The following NEU4 variants were observed in gnomAD, a reference collection of about 807,000 sequenced individuals.
The protein encoded by NEU4 is neuraminidase 4.
A neutral mutation model predicts 9.9 loss-of-function variants in NEU4; 7 were observed. The observed-to-expected ratio is 0.71, with a 90% CI of 0.40 to 1.33. The LOEUF (loss-of-function observed/expected upper bound fraction) is 1.33, where lower values mean the gene tolerates loss of function less well. Ranked by LOEUF, NEU4 falls within the 40% of genes most tolerant of loss-of-function variation. The probability of loss-of-function intolerance (pLI) is 0.01; values close to 1 mark genes in which losing one functional copy is unlikely to be tolerated. For synonymous variants in NEU4, 348 were observed against 316.9 expected (o/e 1.10, Z -1.04); for missense variants, 717 against 712.6 (o/e 1.01, Z -0.07).
At chr2:241,814,744 C>T (rs1010181526) in intron 2 of NEU4, 59 bp downstream of exon 2, 7 of 1,512,688 alleles carry the variant, frequency 4.6e-6, no homozygotes, top group Non-Finnish European at 5.3e-6. Context: ...TGGGGCTGCA[C>T]ACCCCGGGAT....
chr2:241,809,759 G>C (rs1020922798), intron 1 of NEU4: 3 of 159,466 alleles, frequency 1.9e-5, no homozygotes, highest in Admixed American at 5.9e-5. Context: ...CTGAAAACAC[G>C]GGTTTTTCTG....
chr2:241,812,072 C>CGTGGACCCCAGAGGGTGTGT (rs1559426333), intron 1 of NEU4: 5 of 74,332 alleles, frequency 6.7e-5, no homozygotes, highest in African/African-American at 4.2e-4. Context: ...AGAGGGTGTG[C>CGTGGACCCCAGAGGGTGTGT]GCGGACCCCA....
chr2:241,816,281 G>T lies in NEU4; in HGVS notation c.688G>T (p.Gly230Cys), dbSNP rs567898061. 8.2e-6 allele frequency: 13 copies of T among 1,583,580 alleles called. No individual in the cohort carries two copies. Among genetic ancestry groups the T allele is most frequent in the Middle Eastern group, 3.3e-4 (2 of 6,020 alleles). Reference sequence around the variant, plus strand: ...CGAGTGCCAGCTGGCAGCGGTGGACGGTGGGCAGGCCGGCAGCTTCCTCTA... The same window carrying T: ...CGAGTGCCAGCTGGCAGCGGTGGACTGTGGGCAGGCCGGCAGCTTCCTCTA... The part of the protein sequence containing the change: ...SGECQLAAVD[G>C]GQAGSFLYCN... Residue 230 changes from glycine to cysteine, a missense_variant, in exon 4 of 4, where the codon GGT becomes TGT. Gly to Cys is a radical substitution (Grantham distance 159). Transcript: ENST00000407683.
rs563751854 is a variant in NEU4 at position 241,817,337 on chromosome 2, C to T, written c.*289C>T. 3 of 450,696 alleles carry T rather than the reference C, an allele frequency of 6.7e-6. No individual in the cohort carries two copies. In the East Asian group the frequency reaches 1.0e-4, roughly 15 times the overall value. The allele number at this position is 450,696 out of a possible 1,614,324, so 27.9% of individuals were successfully genotyped here. ...GGCCAGGCGCGGGACCGCAGGTAGC[C>T]CAGGGTGTTGTGGGTGGCAGCACTT... is the stretch of plus-strand genomic sequence containing the variant. On this transcript the variant is annotated 3_prime_UTR_variant, in exon 4 of 4. Coordinates refer to ENST00000407683, the MANE Select transcript of NEU4 (RefSeq NM_001167600.3).
Position 241,814,954 on chromosome 2 carries a change from C to T in NEU4, c.264C>T (p.Cys88=), listed in dbSNP as rs771133492. The T allele has an allele frequency of 2.0e-5, 32 of 1,611,810 alleles. No individual in the cohort carries two copies. Among genetic ancestry groups the T allele is most frequent in the Non-Finnish European group, 2.6e-5 (31 of 1,179,832 alleles). Residue 88 remains cysteine, a synonymous_variant, in exon 3 of 4, where the codon TGC becomes TGT. Coordinates refer to ENST00000407683, the MANE Select transcript of NEU4 (RefSeq NM_001167600.3). ...CGGAGCACCGGTCCATGAACCCCTGCCCTGTGCACGATGCTGGCACGGGCA... is the reference window on the plus strand; with the variant it reads ...CGGAGCACCGGTCCATGAACCCCTGTCCTGTGCACGATGCTGGCACGGGCA... ...ALAEHRSMNP[C]PVHDAGTGTV...
intron 1 of NEU4, chr2:241,813,227 G>A (rs924804313): frequency 2.6e-5 from 18 of 688,796 alleles, no homozygotes; most frequent in Admixed American, 6.3e-5. Flanking sequence ...AGTGGGTCCC[G>A]CCTGACCCGT....
chr2:241,811,438 T>C (rs1559425807), intron 1 of NEU4: 1 of 1,569,188 alleles, frequency 6.4e-7, no homozygotes, highest in Non-Finnish European at 8.7e-7. Flanking sequence ...CATGATGAGC[T>C]CTGCAGCCTT....
intron 1 of NEU4, chr2:241,811,086 C>T (rs1391521377): frequency 1.6e-5 from 19 of 1,166,840 alleles, no homozygotes; most frequent in East Asian, 1.2e-4. Flanking sequence ...GGCAGGGCCG[C>T]GTCTCTGGAG....
chr2:241,816,767 A>T lies in NEU4; in HGVS notation c.1174A>T (p.Met392Leu). 1 of 1,583,564 alleles carries T rather than the reference A, an allele frequency of 6.3e-7. No individual in the cohort carries two copies. The highest frequency in any genetic ancestry group is 1.3e-5 in the African/African-American group (1 of 74,238). ...AGTGGGGCGCAGGGCTCGGCTACACATGGGTATCCGCCTGAGCCAGTCCCC... is the reference window on the plus strand; with the variant it reads ...AGTGGGGCGCAGGGCTCGGCTACACTTGGGTATCCGCCTGAGCCAGTCCCC... ...HPVGRRARLH[M>L]GIRLSQSPLD... Residue 392 changes from methionine to leucine, a missense_variant, in exon 4 of 4, where the codon ATG (methionine) becomes TTG (leucine). Transcript: ENST00000407683.
At chr2:241,811,284 G>C in intron 1 of NEU4, 1 of 1,286,388 alleles carries the variant, frequency 7.8e-7, no homozygotes, top group Non-Finnish European at 9.9e-7. Flanking sequence ...CTGCACCCCT[G>C]GCCCTGCTCT....
intron 1 of NEU4, chr2:241,813,499 T>C: frequency 8.3e-7 from 1 of 1,198,884 alleles, no homozygotes; most frequent in South Asian, 1.5e-5. Flanking sequence ...GCGATCAGAC[T>C]GAGAGACCCC....
chr2:241,814,634 C>T lies in NEU4; in HGVS notation c.150C>T (p.His50=), dbSNP rs375575471. The T allele has an allele frequency of 1.6e-5, 26 of 1,593,436 alleles. No individual in the cohort carries two copies. The highest frequency in any genetic ancestry group is 5.4e-5 in the African/African-American group (4 of 74,600). The change falls in exon 2 of 4, where the codon CAC becomes CAT. Residue 50 remains histidine, a synonymous_variant. Transcript: ENST00000407683. ...AGCGGCTCAGCCCTGACGACTCCCA[C>T]GCCCACCGCCTGGTGCTGAGGAGGG... ...VEQRLSPDDS[H]AHRLVLRRGT...
At chr2:241,815,950 C>G (rs1043001544) in intron 3 of NEU4, 101 bp from the exon 4 acceptor site, 3 of 1,210,326 alleles carry the variant, frequency 2.5e-6, no homozygotes, top group Non-Finnish European at 3.4e-6. Flanking sequence ...GGTCCTAACC[C>G]GAGGCACCAG....
chr2:241,814,865 G>A, intron 2 of NEU4, 27 bp from the exon 3 acceptor site: 1 of 1,593,266 alleles, frequency 6.3e-7, no homozygotes, highest in Non-Finnish European at 8.6e-7. Context: ...GGACGTCCTG[G>A]TCAGCGGAAC....
chr2:241,813,756 A>G (rs1284941590), intron 1 of NEU4: 1 of 347,304 alleles, frequency 2.9e-6, no homozygotes, highest in Non-Finnish European at 6.0e-6. Flanking sequence ...CTGATCACCA[A>G]GCACCTGTCC....
chr2:241,809,344 G>C (rs1700041440), intron 1 of NEU4, 70 bp downstream of exon 1: 1 of 912,164 alleles, frequency 1.1e-6, no homozygotes, highest in Non-Finnish European at 1.5e-6. Flanking sequence ...TTGCAGTAGA[G>C]AGTGTTGAGA....
intron 2 of NEU4, 62 bp downstream of exon 2, chr2:241,814,747 C>A (rs1700251899): frequency 4.6e-6 from 7 of 1,509,140 alleles, no homozygotes; most frequent in Non-Finnish European, 5.3e-6. Context: ...GGCTGCACAC[C>A]CCGGGATGGG....
At chr2:241,815,169 C>A in intron 3 of NEU4, 22 bp downstream of exon 3, 1 of 1,516,522 alleles carries the variant, frequency 6.6e-7, no homozygotes, top group Non-Finnish European at 8.8e-7. Flanking sequence ...GGGTGCCGGT[C>A]TGGGTCCCTT....
Position 241,814,498 on chromosome 2 carries a change from G to A in NEU4, c.14G>A (p.Arg5His), listed in dbSNP as rs368612520. 2.6e-5 allele frequency: 42 copies of A among 1,611,008 alleles called. No individual in the cohort carries two copies. Among genetic ancestry groups the A allele is most frequent in the African/African-American group, 1.6e-4 (12 of 74,914 alleles). ...GACCAGCAGAGCATGGGGGTCCCTCGTACCCCTTCACGGACAGTGCTCTTC... is the reference window on the plus strand; with the variant it reads ...GACCAGCAGAGCATGGGGGTCCCTCATACCCCTTCACGGACAGTGCTCTTC... MGVP[R>H]TPSRTVLFER... Residue 5 changes from arginine to histidine, a missense_variant, in exon 2 of 4, where the codon CGT becomes CAT. Coordinates refer to ENST00000407683, the MANE Select transcript of NEU4 (RefSeq NM_001167600.3).
Sources: allele counts gnomAD v4.1 joint callset, GRCh38; gene constraint gnomAD v4.1.1; transcripts MANE v1.5; gene names NCBI Gene and HGNC (gene_info 2026-07-23, HGNC 2026-07-21).